CYYR1: variants seen among roughly 807,000 people sequenced by gnomAD.
CYYR1 encodes cysteine and tyrosine-rich protein 1.
CYYR1 carries 14 observed loss-of-function variants against 15.2 expected under a neutral mutation model. The ratio of observed to expected loss-of-function variants is 0.92; its 90% CI spans 0.61 to 1.44. The LOEUF is 1.44. Ranked by LOEUF, CYYR1 falls within the 40% of genes most tolerant of loss-of-function variation. The probability of loss-of-function intolerance (pLI) is 0.00; values close to 1 mark genes in which losing one functional copy is unlikely to be tolerated. For missense variants in CYYR1, 228 were observed against 209.5 expected, an observed-to-expected ratio of 1.09 and a Z score of -0.54; for synonymous variants, 80 against 77.4, an observed-to-expected ratio of 1.03 and a Z score of -0.18.
chr21:26,539,599 A>G (rs887612933), intron 2 of CYYR1, among the ~76,000 whole-genome samples: 12 of 152,186 alleles, frequency 7.9e-5, no homozygotes, highest in African/African-American at 2.7e-4. Context: ...ATTGTCTCCA[A>G]TCCCTGAGGA....
intron 2 of CYYR1, among the ~76,000 whole-genome samples, chr21:26,513,508 G>A (rs2065679240): frequency 6.6e-6 from 1 of 152,100 alleles, no homozygotes; most frequent in African/African-American, 2.4e-5. Context: ...GTGGGGAGAG[G>A]TGGCTTAGTT....
At chr21:26,489,731 C>G (rs929501030) in intron 2 of CYYR1, among the ~76,000 whole-genome samples, 2 of 152,134 alleles carry the variant, frequency 1.3e-5, no homozygotes, top group African/African-American at 4.8e-5. Context: ...GTTTCTAGAA[C>G]ATTTTAATGC....
intron 1 of CYYR1, among the ~76,000 whole-genome samples, chr21:26,569,407 G>A (rs1353708221): frequency 1.3e-5 from 2 of 152,094 alleles, no homozygotes; most frequent in Admixed American, 6.6e-5. Context: ...CGGACATAAA[G>A]ATGGCAACAA....
At chr21:26,473,877 A>C (rs1287178406) in intron 3 of CYYR1, among the ~76,000 whole-genome samples, 1 of 152,186 alleles carries the variant, frequency 6.6e-6, no homozygotes, top group African/African-American at 2.4e-5. Flanking sequence ...CTACCAAAGC[A>C]CAGCTATTCT....
At chr21:26,555,933 G>C (rs1359336343) in intron 2 of CYYR1, among the ~76,000 whole-genome samples, 1 of 152,096 alleles carries the variant, frequency 6.6e-6, no homozygotes, top group Non-Finnish European at 1.5e-5. Flanking sequence ...AGTTGCACAG[G>C]AGCCTGTTGT....
rs112844673 is a variant in CYYR1 at position 26,513,245 on chromosome 21, A to G, written c.177-32816T>C. ...CCATATTCTGCCTTGTACGATCCTTAGTCTTGCACTCATTTCATATTGCCT... is the reference window on the plus strand; with the variant it reads ...CCATATTCTGCCTTGTACGATCCTTGGTCTTGCACTCATTTCATATTGCCT... On this transcript the variant is annotated intron_variant, in intron 2 of 3. Coordinates refer to ENST00000652641, the MANE Select transcript of CYYR1 (RefSeq NM_001320768.2). 2.6e-3 allele frequency among the ~76,000 whole-genome samples: 389 copies of G among 152,266 alleles called. 7 individuals are homozygous for G. The highest frequency in any genetic ancestry group is 1.3e-3 in the Non-Finnish European group (90 of 68,026).
intron 3 of CYYR1, among the ~76,000 whole-genome samples, chr21:26,476,022 G>A (rs1194708643): frequency 6.6e-6 from 1 of 152,140 alleles, no homozygotes; most frequent in Non-Finnish European, 1.5e-5. Flanking sequence ...ATGAGCTTGT[G>A]ATCTCTAAAA....
At chr21:26,492,181 C>T (rs2065338144) in intron 2 of CYYR1, among the ~76,000 whole-genome samples, 1 of 152,204 alleles carries the variant, frequency 6.6e-6, no homozygotes, top group Admixed American at 6.5e-5. Flanking sequence ...ATAGATGCTG[C>T]TAATACACAG....
chr21:26,485,926 G>A (rs547340801), intron 2 of CYYR1, among the ~76,000 whole-genome samples: 3 of 152,068 alleles, frequency 2.0e-5, no homozygotes, highest in African/African-American at 4.8e-5. Flanking sequence ...TCCTCTCTGC[G>A]TCCTTGCCAG....
intron 2 of CYYR1, among the ~76,000 whole-genome samples, chr21:26,555,858 G>A (rs1979740048): frequency 1.3e-5 from 2 of 152,096 alleles, no homozygotes; most frequent in South Asian, 2.1e-4. Context: ...ATCACTGGGT[G>A]TGTGTAATTC....
At chr21:26,509,787 A>T (rs1601771229) in intron 2 of CYYR1, among the ~76,000 whole-genome samples, 2 of 152,188 alleles carry the variant, frequency 1.3e-5, no homozygotes, top group African/African-American at 4.8e-5. Flanking sequence ...TCCAGAAGTG[A>T]CACACCTCAT....
intron 2 of CYYR1, among the ~76,000 whole-genome samples, chr21:26,496,133 T>C (rs1234904096): frequency 6.6e-6 from 1 of 152,216 alleles, no homozygotes. Flanking sequence ...TCAGAATCTC[T>C]GGAGATGAGA....
chr21:26,521,283 T>C (rs936108719), intron 2 of CYYR1, among the ~76,000 whole-genome samples: 3 of 152,210 alleles, frequency 2.0e-5, no homozygotes, highest in Non-Finnish European at 2.9e-5. Context: ...TTTTAAGAGA[T>C]TAAATCAGCA....
intron 2 of CYYR1, among the ~76,000 whole-genome samples, chr21:26,502,268 A>G (rs924548515): frequency 6.6e-6 from 1 of 151,722 alleles, no homozygotes; most frequent in Non-Finnish European, 1.5e-5. Flanking sequence ...CATCACGGGC[A>G]GAATTTATTT....
Position 26,539,093 on chromosome 21 carries a change from C to T in CYYR1, c.176+27173G>A, listed in dbSNP as rs559306102. On this transcript the variant is annotated intron_variant, in intron 2 of 3. Transcript: ENST00000652641. ...AAAGTCACAGGTACCAATTATACTA[C>T]GACGGTTTGTTGCCTATACTCAAAG... 4.6e-5 allele frequency among the ~76,000 whole-genome samples: 7 copies of T among 152,186 alleles called. No individual in the cohort carries two copies. The East Asian group carries it at 5.8e-4, about 13-fold the overall frequency.
At chr21:26,537,991 C>T (rs1280655860) in intron 2 of CYYR1, among the ~76,000 whole-genome samples, 4 of 152,166 alleles carry the variant, frequency 2.6e-5, no homozygotes, top group Non-Finnish European at 5.9e-5. Flanking sequence ...TTCTATCATT[C>T]GTAAGCAATC....
At chr21:26,521,841 A>G (rs1468212650) in intron 2 of CYYR1, among the ~76,000 whole-genome samples, 1 of 152,214 alleles carries the variant, frequency 6.6e-6, no homozygotes, top group Non-Finnish European at 1.5e-5. Flanking sequence ...AAGAAAATTC[A>G]GTGCACTTCT....
chr21:26,475,661 T>G (rs2065093028), intron 3 of CYYR1, among the ~76,000 whole-genome samples: 1 of 152,164 alleles, frequency 6.6e-6, no homozygotes, highest in South Asian at 2.1e-4. Flanking sequence ...TCTCTACCCA[T>G]TTTATAGCAA....
chr21:26,481,374 C>T (rs759877479), intron 2 of CYYR1, among the ~76,000 whole-genome samples: 30 of 151,828 alleles, frequency 2.0e-4, no homozygotes, highest in Admixed American at 2.0e-4. Context: ...GAAAAAAATT[C>T]GTCAGAAAAG....
Sources: allele counts gnomAD v4.1 joint callset (sites outside exome capture counted in the v4.1 genomes callset), GRCh38; gene constraint gnomAD v4.1.1; transcripts MANE v1.5; gene names NCBI Gene and HGNC (gene_info 2026-07-23, HGNC 2026-07-21).